CSMD1: variants seen among roughly 807,000 people sequenced by gnomAD.
The protein encoded by CSMD1 is CUB and sushi domain-containing protein 1.
In CSMD1, 213 loss-of-function variants were observed where a neutral mutation model predicts 417.5. That is an observed-to-expected ratio of 0.51 (90% confidence interval 0.46 to 0.57). CSMD1 has a LOEUF of 0.57. Ranked by LOEUF, CSMD1 falls within the 20% of genes least tolerant of loss-of-function variation. The pLI is 0.00. For missense variants in CSMD1, 6,923 were observed against 4,529.7 expected (o/e 1.53, Z -15.17); for synonymous variants, 2,862 against 1,736.8 (o/e 1.65, Z -16.11).
intron 2 of CSMD1, among the ~76,000 whole-genome samples, chr8:4,466,024 T>G (rs892474202): frequency 6.6e-6 from 1 of 152,164 alleles, no homozygotes; most frequent in Non-Finnish European, 1.5e-5. Context: ...CACATTTGGA[T>G]TGACAAATTA....
At chr8:3,389,845 A>G (rs1811240372) in intron 17 of CSMD1, among the ~76,000 whole-genome samples, 1 of 152,214 alleles carries the variant, frequency 6.6e-6, no homozygotes, top group Non-Finnish European at 1.5e-5. Context: ...ATATTATGCC[A>G]TAATACTTCC....
At chr8:3,228,173 C>T in intron 27 of CSMD1, among the ~76,000 whole-genome samples, 1 of 151,998 alleles carries the variant, frequency 6.6e-6, no homozygotes, top group East Asian at 1.9e-4. Flanking sequence ...CTTTTTTCTC[C>T]TCTTTGATTT....
At chr8:3,835,385 G>C (rs1264846920) in intron 5 of CSMD1, among the ~76,000 whole-genome samples, 1 of 151,876 alleles carries the variant, frequency 6.6e-6, no homozygotes, top group Non-Finnish European at 1.5e-5. Context: ...ATACTACGCA[G>C]CCATAAAAAA....
intron 1 of CSMD1, among the ~76,000 whole-genome samples, chr8:4,660,770 C>T (rs916738686): frequency 6.6e-6 from 1 of 152,000 alleles, no homozygotes; most frequent in African/African-American, 2.4e-5. Flanking sequence ...ACTCTCAAAA[C>T]TCAGCCATAA....
rs374205806 is a variant in CSMD1, at chr8:3,130,899, T to G, written c.6241+11566A>C. Among the ~76,000 whole-genome samples the G allele has an allele frequency of 1.7e-3, 255 of 152,326 alleles. 9 individuals carry two copies. The South Asian group carries it at 0.031, about 18-fold the overall frequency. On this transcript the variant is annotated intron_variant, in intron 41 of 69. Transcript: ENST00000635120. ...TTTTTGCCTCCAGTCTCACTCTATTTGCAACAAGTGTTTCTGTAACAGTCC... is the reference window on the plus strand; with the variant it reads ...TTTTTGCCTCCAGTCTCACTCTATTGGCAACAAGTGTTTCTGTAACAGTCC...
At chr8:4,869,598 A>C (rs964107231) in intron 1 of CSMD1, among the ~76,000 whole-genome samples, 2 of 152,054 alleles carry the variant, frequency 1.3e-5, no homozygotes, top group Non-Finnish European at 2.9e-5. Context: ...TAGTTTAGTT[A>C]ATGATCACAT....
chr8:3,915,405 C>CAGAA (rs1554484704), intron 5 of CSMD1, among the ~76,000 whole-genome samples: 46 of 76,286 alleles, frequency 6.0e-4, no homozygotes, highest in South Asian at 2.0e-3. Flanking sequence ...GACTCTGTCT[C>CAGAA]AAAAAAAAAA....
intron 5 of CSMD1, among the ~76,000 whole-genome samples, chr8:3,818,595 G>T (rs1057304309): frequency 4.6e-5 from 7 of 151,902 alleles, no homozygotes; most frequent in African/African-American, 1.7e-4. Context: ...AATGAGAAGT[G>T]CTAGAAAAGG....
intron 13 of CSMD1, 44 bp downstream of exon 13, chr8:3,409,379 C>T: frequency 6.7e-7 from 1 of 1,484,998 alleles, no homozygotes; most frequent in Admixed American, 2.0e-5. Context: ...CTTGCAAGAT[C>T]CTTGCAGGAC....
At chr8:3,933,638 T>C (rs766097450) in intron 5 of CSMD1, among the ~76,000 whole-genome samples, 1 of 152,202 alleles carries the variant, frequency 6.6e-6, no homozygotes, top group Non-Finnish European at 1.5e-5. Flanking sequence ...AGTCTCTATA[T>C]TGAAGAGATT....
chr8:4,383,139 A>T (rs1234936034), intron 3 of CSMD1, among the ~76,000 whole-genome samples: 1 of 152,156 alleles, frequency 6.6e-6, no homozygotes, highest in Non-Finnish European at 1.5e-5. Flanking sequence ...AAGCAACTTG[A>T]TGATTTGTTT....
intron 26 of CSMD1, among the ~76,000 whole-genome samples, chr8:3,268,128 G>C (rs902163868): frequency 4.6e-5 from 7 of 151,938 alleles, no homozygotes; most frequent in African/African-American, 1.7e-4. Context: ...GATATTTGTA[G>C]GTGAATGTAT....
intron 3 of CSMD1, among the ~76,000 whole-genome samples, chr8:4,054,654 C>G (rs906423744): frequency 6.6e-6 from 1 of 152,102 alleles, no homozygotes; most frequent in African/African-American, 2.4e-5. Context: ...TGAACAGGTC[C>G]TTGCACAGTG....
intron 2 of CSMD1, among the ~76,000 whole-genome samples, chr8:4,448,305 T>C (rs1798937079): frequency 6.6e-6 from 1 of 152,206 alleles, no homozygotes; most frequent in African/African-American, 2.4e-5. Context: ...GTACATTTTG[T>C]TTGCCGATCT....
intron 3 of CSMD1, among the ~76,000 whole-genome samples, chr8:4,293,441 T>G (rs994103611): frequency 6.6e-6 from 1 of 152,326 alleles, no homozygotes; most frequent in East Asian, 1.9e-4. Context: ...TTTAAAAAAA[T>G]TAATTACACT....
At chr8:3,026,975 G>T (rs960509081) in intron 51 of CSMD1, among the ~76,000 whole-genome samples, 1 of 151,970 alleles carries the variant, frequency 6.6e-6, no homozygotes, top group African/African-American at 2.4e-5. Context: ...AGGAGAAAGC[G>T]GCCATTAAGG....
chr8:3,363,182 C>A (rs1809312140), intron 20 of CSMD1, among the ~76,000 whole-genome samples: 2 of 152,180 alleles, frequency 1.3e-5, no homozygotes, highest in African/African-American at 2.4e-5. Context: ...CCATTCCCTG[C>A]TTCACAATCA....
chr8:3,890,859 A>G (rs186406650), intron 5 of CSMD1, among the ~76,000 whole-genome samples: 9 of 152,234 alleles, frequency 5.9e-5, no homozygotes, highest in Non-Finnish European at 8.8e-5. Flanking sequence ...AGTATATACA[A>G]TGAGAGGATG....
Position 4,366,496 on chromosome 8 carries a change from A to G in CSMD1, c.415+53457T>C, listed in dbSNP as rs1802080941. On this transcript the variant is annotated intron_variant, in intron 3 of 69. Coordinates refer to ENST00000635120, the MANE Select transcript of CSMD1 (RefSeq NM_033225.6). ...AGTCCTGTTTTAAGTTCTTCGATAA[A>G]ACTCCACAGTTTTCCACAGTAGCTT... Among the ~76,000 whole-genome samples the G allele has an allele frequency of 1.3e-5, 2 of 152,152 alleles. 1 individual carries two copies. The highest frequency in any genetic ancestry group is 2.9e-5 in the Non-Finnish European group (2 of 68,026).
Sources: gnomAD v4.1 joint callset for allele counts (sites outside exome capture counted in the v4.1 genomes callset) on GRCh38, gnomAD v4.1.1 for gene constraint, MANE v1.5 for transcripts, NCBI Gene and HGNC (gene_info 2026-07-23, HGNC 2026-07-21) for gene names.